The following PRAMEF4 variants were observed in gnomAD, a reference collection of about 807,000 sequenced individuals.
PRAMEF4 encodes the protein RP5-845O24.6.
PRAMEF4 carries 18 observed loss-of-function variants against 34.4 expected under a neutral mutation model. The ratio of observed to expected loss-of-function variants is 0.52; its 90% CI spans 0.36 to 0.78. The LOEUF is 0.78. PRAMEF4 is among the 30% of genes least tolerant of loss of function. The pLI, the probability that PRAMEF4 is intolerant of heterozygous loss-of-function variation, is 0.00. For missense variants in PRAMEF4, 482 were observed against 569.1 expected (o/e 0.85, Z 1.56); for synonymous variants, 156 against 219.3 (o/e 0.71, Z 2.55).
intron 1 of PRAMEF4, among the ~76,000 whole-genome samples, chr1:12,885,379 CAG>C (rs1445223364): frequency 6.7e-6 from 1 of 149,992 alleles, no homozygotes; most frequent in Non-Finnish European, 1.5e-5. Flanking sequence ...TGTTTTTGGA[CAG>C]AGTGTCTCTC....
At position 12,883,142 on chromosome 1, in the gene PRAMEF4, C is replaced by T. The variant is rs200120101; in HGVS notation, c.253G>A (p.Asp85Asn). The change falls in exon 2 of 4, where the codon GAT becomes AAT. Residue 85 changes from aspartate to asparagine, a missense_variant. Around this residue, in one of 6 missense-constraint regions of PRAMEF4, gnomAD observed 172 missense variants for 130.2 expected, o/e 1.32. Transcript: ENST00000235349. ...AGGTTAAGCAGTGCATCCAGCCCAT[C>T]GAGCACAGCTTGGAAGGCCTCCAGA... is the stretch of plus-strand genomic sequence containing the variant. Reference protein sequence around the residue: ...PCLEAFQAVLDGLDALLNLGV... With the variant: ...PCLEAFQAVLNGLDALLNLGV... 2.4e-5 allele frequency: 38 copies of T among 1,601,380 alleles called. 2 individuals carry two copies. The highest frequency in any genetic ancestry group is 4.1e-5 in the African/African-American group (3 of 73,360).
In PRAMEF4 at chr1:12,881,602, A is replaced by AC. The variant is rs918404434; in HGVS notation, c.875+251dup. On this transcript the variant is annotated intron_variant, in intron 3 of 3. Coordinates refer to ENST00000235349, the MANE Select transcript of PRAMEF4 (RefSeq NM_001009611.4). The stretch of plus-strand genomic sequence containing the variant: ...AGAAAGGCACCCTCACTAGATCTGA[A>AC]CCCCCCAGTAGCTGACTTCCTAGCA... Among the ~76,000 whole-genome samples, 6 of 139,354 alleles carry AC rather than the reference A, an allele frequency of 4.3e-5. 1 individual carries two copies. The highest frequency in any genetic ancestry group is 1.7e-4 in the African/African-American group (6 of 35,228). 91.4% of individuals were successfully genotyped at this position (139,354 alleles called of 152,430 possible).
chr1:12,880,590 A>C (rs1410919124), intron 3 of PRAMEF4, among the ~76,000 whole-genome samples: 1 of 148,464 alleles, frequency 6.7e-6, no homozygotes, highest in Non-Finnish European at 1.5e-5. Flanking sequence ...AAAAAAAAGG[A>C]GAAAAAATAA....
rs1640845896 is a variant in PRAMEF4 at position 12,879,642 on chromosome 1, A to T, written c.1339T>A (p.Leu447Ile). Residue 447 changes from leucine to isoleucine, a missense_variant, in exon 4 of 4, where the codon TTA (leucine) becomes ATA (isoleucine). Physicochemically the swap from Leu to Ile is conservative, Grantham distance 5. Coordinates refer to ENST00000235349, the MANE Select transcript of PRAMEF4 (RefSeq NM_001009611.4). ...RAELMNRVRD[L>I]RHPKRILFCT... ...AACAAGATCCTCTTGGGGTGCCTTA[A>T]GTCCCTCACTCTGTTCATCAGCTCA... 1.3e-6 allele frequency: 2 copies of T among 1,596,258 alleles called. No individual in the cohort carries two copies. Among genetic ancestry groups the T allele is most frequent in the African/African-American group, 1.4e-5 (1 of 72,656 alleles).
chr1:12,883,384 C>A lies in PRAMEF4; in HGVS notation c.11G>T (p.Ser4Ile). 11 of 1,601,258 alleles carry A rather than the reference C, an allele frequency of 6.9e-6. 1 individual carries two copies. Among genetic ancestry groups the A allele is most frequent in the Non-Finnish European group, 9.4e-6 (11 of 1,173,948 alleles). The change falls in exon 2 of 4, where the codon AGC becomes ATC. Residue 4 changes from serine to isoleucine, a missense_variant. Physicochemically the swap from Ser to Ile is moderately radical, Grantham distance 142. Transcript: ENST00000235349. ...CAGGAGTCTGGGTGGAGTCCAGATG[C>A]TCATCTTCATGAATCTGCAGGGAAA... MKM[S>I]IWTPPRLLEL...
In PRAMEF4 at chr1:12,879,739, C is replaced by G. The variant is rs1569875370; in HGVS notation, c.1242G>C (p.Leu414=). The G allele has an allele frequency of 1.9e-6, 3 of 1,603,332 alleles. No individual in the cohort carries two copies. The highest frequency in any genetic ancestry group is 2.2e-5 in the East Asian group (1 of 44,644). ...CATAACTCTCCCGGGGGGCAGGATA[C>G]AGCTCCACGCATAAGTTTTTGAGTA... The part of the protein sequence containing the change: ...TIILKNLCVE[L]YPAPRESYGA... Residue 414 remains leucine (L), a synonymous_variant, in exon 4 of 4, where the codon CTG becomes CTC. Coordinates refer to ENST00000235349, the MANE Select transcript of PRAMEF4 (RefSeq NM_001009611.4).
chr1:12,880,867 CCT>C (rs1471862706), intron 3 of PRAMEF4, among the ~76,000 whole-genome samples: 1 of 145,706 alleles, frequency 6.9e-6, no homozygotes, highest in Admixed American at 7.1e-5. Context: ...GCACCCTGAC[CCT>C]CTGTTTCAGA....
chr1:12,881,669 C>A (rs145015891), intron 3 of PRAMEF4, among the ~76,000 whole-genome samples, 185 bp downstream of exon 3: 13,837 of 138,574 alleles, frequency 0.1, 1,022 homozygotes, highest in Middle Eastern at 0.18. Flanking sequence ...GATCCCTCTG[C>A]CTCTATTGGG....
At chr1:12,880,542 C>T (rs1220121127) in intron 3 of PRAMEF4, among the ~76,000 whole-genome samples, 1 of 149,332 alleles carries the variant, frequency 6.7e-6, no homozygotes, top group East Asian at 2.0e-4. Context: ...TGCCACTACA[C>T]TCCAGCCTGG....
chr1:12,881,922 C>T lies in PRAMEF4; in HGVS notation c.807G>A (p.Leu269=), dbSNP rs560473715. The change falls in exon 3 of 4, where the codon CTG becomes CTA. Residue 269 remains leucine, a synonymous_variant. Coordinates refer to ENST00000235349, the MANE Select transcript of PRAMEF4 (RefSeq NM_001009611.4). ...VTQFTTQFLK[L]RCLQKLYMNS... is the part of the protein sequence containing the mutation. ...TCATATAAAGCTTTTGGAGGCAGCGCAGCTTGAGGAACTGAGTGGTGAACT... is the reference window on the plus strand; with the variant it reads ...TCATATAAAGCTTTTGGAGGCAGCGTAGCTTGAGGAACTGAGTGGTGAACT... 51 of 1,593,188 alleles carry T rather than the reference C, an allele frequency of 3.2e-5. 1 individual carries two copies. Among genetic ancestry groups the T allele is most frequent in the Middle Eastern group, 2.1e-4 (1 of 4,810 alleles).
intron 1 of PRAMEF4, among the ~76,000 whole-genome samples, chr1:12,883,697 T>G (rs1301666818): frequency 6.8e-6 from 1 of 147,456 alleles, no homozygotes; most frequent in African/African-American, 2.5e-5. Flanking sequence ...AGTGAACCCC[T>G]CCTACCATTG....
In PRAMEF4 at chr1:12,879,694, G is replaced by T; in HGVS notation, c.1287C>A (p.Cys429Ter). Residue 429 changes from cysteine (C) to a stop codon, truncating the protein, a stop_gained, in exon 4 of 4, where the codon TGC becomes TGA. Transcript: ENST00000235349. LOFTEE classifies it high-confidence loss of function. ...RESYGADGTL[C>*]WSRFAQIRAE... Reference sequence around the variant, plus strand: ...CCCTAATTTGAGCAAATCTGCTCCAGCAGAGAGTACCATCAGCACCATAAC... The same window carrying T: ...CCCTAATTTGAGCAAATCTGCTCCATCAGAGAGTACCATCAGCACCATAAC... 3 of 1,602,010 alleles carry T rather than the reference G, an allele frequency of 1.9e-6. 1 individual carries two copies. Among genetic ancestry groups the T allele is most frequent in the Non-Finnish European group, 2.6e-6 (3 of 1,175,116 alleles).
In PRAMEF4 at chr1:12,883,267, A is replaced by G. The variant is rs146128733; in HGVS notation, c.128T>C (p.Met43Thr). Residue 43 changes from methionine to threonine, a missense_variant, in exon 2 of 4, where the codon ATG becomes ACG. Physicochemically the swap from Met to Thr is moderately conservative, Grantham distance 81. Transcript: ENST00000235349. The stretch of plus-strand genomic sequence containing the variant: ...ACAGCGTCTCCTGCTGAAGGCCTCC[A>G]TGAACAGTGGGGGGAAAAGTTCTGT... The part of the protein sequence containing the change: ...LPTELFPPLF[M>T]EAFSRRRCEA... 11,845 of 1,599,210 alleles carry G rather than the reference A, an allele frequency of 7.4e-3. 767 individuals are homozygous for G. The highest frequency in any genetic ancestry group is 6.9e-3 in the Non-Finnish European group (8,093 of 1,173,010).
intron 1 of PRAMEF4, among the ~76,000 whole-genome samples, chr1:12,884,943 T>A (rs1640971182): frequency 6.7e-6 from 1 of 150,234 alleles, no homozygotes; most frequent in South Asian, 2.1e-4. Context: ...CAGGGAAGGG[T>A]TGAATCTCTT....
chr1:12,884,858 A>C (rs1233785274), intron 1 of PRAMEF4, among the ~76,000 whole-genome samples: 1 of 150,290 alleles, frequency 6.7e-6, no homozygotes, highest in Non-Finnish European at 1.5e-5. Flanking sequence ...GTGAAAGTCC[A>C]GGACTCATTC....
intron 1 of PRAMEF4, among the ~76,000 whole-genome samples, chr1:12,883,673 T>A (rs1389580565): frequency 6.8e-6 from 1 of 147,738 alleles, no homozygotes; most frequent in African/African-American, 2.5e-5. Flanking sequence ...CTAGTGAGTG[T>A]GGAGGAACCT....
chr1:12,881,761 T>C, intron 3 of PRAMEF4, 93 bp downstream of exon 3: 2 of 1,561,304 alleles, frequency 1.3e-6, no homozygotes, highest in Non-Finnish European at 1.7e-6. Flanking sequence ...CACTGTTTCA[T>C]CCTCATAGGC....
At chr1:12,881,126 G>T (rs1444768527) in intron 3 of PRAMEF4, among the ~76,000 whole-genome samples, 1 of 148,060 alleles carries the variant, frequency 6.8e-6, no homozygotes, top group Non-Finnish European at 1.5e-5. Context: ...AGCACTTTGG[G>T]AGTCCATGGT....
Position 12,882,054 on chromosome 1 carries a change from C to T in PRAMEF4, c.675G>A (p.Gln225=). ...TCATGTGGCCCAGGTATGGGGTAAA[C>T]TGTGTCAGGATGGGCAGTACCCACT... is the stretch of plus-strand genomic sequence containing the variant. ...NCKWVLPILT[Q]FTPYLGHMRN... Residue 225 remains glutamine, a synonymous_variant, in exon 3 of 4, where the codon CAG becomes CAA. Transcript: ENST00000235349. The T allele has an allele frequency of 5.7e-6, 9 of 1,590,210 alleles. No homozygotes were observed. Among genetic ancestry groups the T allele is most frequent in the Non-Finnish European group, 7.7e-6 (9 of 1,173,606 alleles).
Sources: allele counts gnomAD v4.1 joint callset (sites outside exome capture counted in the v4.1 genomes callset), GRCh38; gene constraint gnomAD v4.1.1; regional missense constraint gnomAD v4.1.1; transcripts MANE v1.5; gene names NCBI Gene and HGNC (gene_info 2026-07-23, HGNC 2026-07-21).